The following PRSS12 variants were observed in gnomAD, a reference collection of about 807,000 sequenced individuals.
PRSS12 encodes serine protease 12, also known as neurotrypsin.
A neutral mutation model predicts 104.4 loss-of-function variants in PRSS12; 85 were observed. The ratio of observed to expected loss-of-function variants is 0.81; its 90% CI spans 0.68 to 0.98. PRSS12 has a LOEUF of 0.98. PRSS12 is among the 50% of genes least tolerant of loss of function. The pLI, the probability that PRSS12 is intolerant of heterozygous loss-of-function variation, is 0.00. For missense variants in PRSS12, 1,141 were observed against 1,139.2 expected (o/e 1.00, Z -0.02); for synonymous variants, 454 against 425.2 (o/e 1.07, Z -0.83).
rs80226512 is a variant in PRSS12 at position 118,311,785 on chromosome 4, G to A, written c.1489+1416C>T. 5.4e-3 allele frequency among the ~76,000 whole-genome samples: 815 copies of A among 152,244 alleles called. 7 individuals are homozygous for A. The highest frequency in any genetic ancestry group is 0.018 in the African/African-American group (754 of 41,546). On this transcript the variant is annotated intron_variant, in intron 7 of 12. Coordinates refer to ENST00000296498, the MANE Select transcript of PRSS12 (RefSeq NM_003619.4). ...AATTAAAAAGATTTTCAAGGGAACA[G>A]AAAAGATTAGTTATTCCAACCATAT...
chr4:118,305,765 T>C (rs1372258978), intron 8 of PRSS12, among the ~76,000 whole-genome samples: 6 of 152,180 alleles, frequency 3.9e-5, no homozygotes, highest in African/African-American at 1.4e-4. Context: ...TTATTCATCT[T>C]GCATGACAGG....
chr4:118,299,085 C>G (rs1204351242), intron 8 of PRSS12, 147 bp from the exon 9 acceptor site: 1 of 917,702 alleles, frequency 1.1e-6, no homozygotes, highest in Non-Finnish European at 1.7e-6. Flanking sequence ...TCATGACTGT[C>G]AAAAAAAATT....
chr4:118,316,825 G>GA (rs1553956358), intron 5 of PRSS12, among the ~76,000 whole-genome samples: 51 of 91,532 alleles, frequency 5.6e-4, no homozygotes, highest in South Asian at 5.0e-3. Context: ...CCGTCTCACG[G>GA]AAAAAAAAAA....
At position 118,352,798 on chromosome 4, in the gene PRSS12, G is replaced by A. The variant is rs1481677638; in HGVS notation, c.-78C>T. 4 of 1,572,982 alleles carry A rather than the reference G, an allele frequency of 2.5e-6. No homozygotes were observed. In the African/African-American group the frequency reaches 5.4e-5, roughly 21 times the overall value. On this transcript the variant is annotated 5_prime_UTR_variant, in exon 1 of 13. Coordinates refer to ENST00000296498, the MANE Select transcript of PRSS12 (RefSeq NM_003619.4). ...GCGGAGAAGAGGAGGGGGCGGGGGC[G>A]GGGCTGCCGCGTCCCTCGAATCCCC...
chr4:118,325,809 T>C (rs536947965), intron 4 of PRSS12, among the ~76,000 whole-genome samples: 94 of 151,606 alleles, frequency 6.2e-4, no homozygotes, highest in Admixed American at 1.8e-3. Flanking sequence ...TGTTGTCTAG[T>C]TTTTTACCCT....
chr4:118,352,542 G>A lies in PRSS12; in HGVS notation c.179C>T (p.Pro60Leu), dbSNP rs1398408462. ...GGGGCGCGGGAAGCGCGGGAGAGGCGGCGGCGGACGCGTCCTCGGGGGCCG... is the reference window on the plus strand; with the variant it reads ...GGGGCGCGGGAAGCGCGGGAGAGGCAGCGGCGGACGCGTCCTCGGGGGCCG... ...QQRPPRTRPPPPLPRFPRPPR... is the reference protein window; with the variant it reads ...QQRPPRTRPPLPLPRFPRPPR... Residue 60 changes from proline to leucine, a missense_variant, in exon 1 of 13, where the codon CCG (proline) becomes CTG (leucine). Coordinates refer to ENST00000296498, the MANE Select transcript of PRSS12 (RefSeq NM_003619.4). The A allele has an allele frequency of 6.6e-7, 1 of 1,507,870 alleles. No individual in the cohort carries two copies. Among genetic ancestry groups the A allele is most frequent in the African/African-American group, 1.4e-5 (1 of 69,836 alleles). 93.4% of individuals were successfully genotyped at this position (1,507,870 alleles called of 1,614,324 possible). A position where few individuals can be genotyped will look rare whatever the true frequency, so the allele number is the denominator to read the frequency against.
Position 118,352,748 on chromosome 4 carries a change from T to C in PRSS12, c.-28A>G, listed in dbSNP as rs760537025. On this transcript the variant is annotated 5_prime_UTR_variant, in exon 1 of 13. The change abolishes an upstream ATG in the 5' untranslated region. Coordinates refer to ENST00000296498, the MANE Select transcript of PRSS12 (RefSeq NM_003619.4). Reference sequence around the variant, plus strand: ...TGCCAGCGCTGCGGGGTCTGGTCCATGCTCCCCAGCTTCTCGGGCTTGGAG... The same window carrying C: ...TGCCAGCGCTGCGGGGTCTGGTCCACGCTCCCCAGCTTCTCGGGCTTGGAG... 24 of 1,602,042 alleles carry C rather than the reference T, an allele frequency of 1.5e-5. No individual in the cohort carries two copies. The highest frequency in any genetic ancestry group is 1.3e-4 in the Admixed American group (8 of 59,604).
At chr4:118,345,648 A>G (rs1724337127) in intron 1 of PRSS12, among the ~76,000 whole-genome samples, 1 of 152,222 alleles carries the variant, frequency 6.6e-6, no homozygotes, top group Admixed American at 6.5e-5. Flanking sequence ...TAAATGCGTC[A>G]TAATATTTGC....
At chr4:118,333,219 T>C (rs1177077090) in intron 3 of PRSS12, among the ~76,000 whole-genome samples, 1 of 152,176 alleles carries the variant, frequency 6.6e-6, no homozygotes, top group East Asian at 1.9e-4. Flanking sequence ...ATAAAGGACG[T>C]AATATGGTAA....
rs377444158 is a variant in PRSS12, at chr4:118,313,288, G to A, written c.1402C>T (p.Arg468Ter). The change falls in exon 7 of 13, where the codon CGA (arginine) becomes TGA (stop). Residue 468 changes from arginine to a stop codon, truncating the protein, a stop_gained. Transcript: ENST00000296498. LOFTEE classifies it high-confidence loss of function. ...KETRFLQCSRRQWGRHDCSHR... is the reference protein window; with the variant it reads ...KETRFLQCSR ...CTGCAGTCATGCCTTCCCCACTGTC[G>A]CCTGGAACACTGAAGAAATCTGGTT... is the stretch of plus-strand genomic sequence containing the variant. The A allele has an allele frequency of 7.4e-6, 12 of 1,613,894 alleles. No individual in the cohort carries two copies. The highest frequency in any genetic ancestry group is 1.1e-5 in the South Asian group (1 of 91,072).
intron 4 of PRSS12, among the ~76,000 whole-genome samples, chr4:118,329,487 AC>A (rs1723864048): frequency 6.6e-6 from 1 of 152,162 alleles, no homozygotes; most frequent in African/African-American, 2.4e-5. Flanking sequence ...TGAACACATA[AC>A]TGATAACCCA....
chr4:118,350,007 A>T (rs1322161129), intron 1 of PRSS12, among the ~76,000 whole-genome samples: 1 of 152,212 alleles, frequency 6.6e-6, no homozygotes, highest in Non-Finnish European at 1.5e-5. Flanking sequence ...TTGTCAAAAA[A>T]TAAATAAATA....
At chr4:118,347,055 C>T (rs551978812) in intron 1 of PRSS12, among the ~76,000 whole-genome samples, 7 of 151,060 alleles carry the variant, frequency 4.6e-5, no homozygotes, top group African/African-American at 1.7e-4. Flanking sequence ...GCAATAGTAA[C>T]GGGATATCTT....
chr4:118,299,727 A>AAAAT (rs1743346748), intron 8 of PRSS12, among the ~76,000 whole-genome samples: 2 of 81,796 alleles, frequency 2.4e-5, no homozygotes, highest in African/African-American at 7.5e-5. Context: ...AAAATAAAAT[A>AAAAT]AAATAAAATA....
At chr4:118,282,606 T>G (rs1742911517) in intron 12 of PRSS12, among the ~76,000 whole-genome samples, 2 of 152,218 alleles carry the variant, frequency 1.3e-5, no homozygotes, top group South Asian at 4.1e-4. Flanking sequence ...AATTCATATC[T>G]ACTTCACTGA....
At chr4:118,288,577 C>T (rs553715241) in intron 11 of PRSS12, among the ~76,000 whole-genome samples, 1 of 152,320 alleles carries the variant, frequency 6.6e-6, no homozygotes, top group South Asian at 2.1e-4. Flanking sequence ...AACAAGTCCA[C>T]TTTGGAGTAA....
chr4:118,299,392 T>A (rs1362643284), intron 8 of PRSS12, among the ~76,000 whole-genome samples: 2 of 152,082 alleles, frequency 1.3e-5, no homozygotes, highest in Non-Finnish European at 2.9e-5. Context: ...AATGTACAAT[T>A]TTTTTAGGCC....
chr4:118,283,352 G>A (rs943516646), intron 11 of PRSS12, among the ~76,000 whole-genome samples: 5 of 152,186 alleles, frequency 3.3e-5, no homozygotes, highest in Non-Finnish European at 5.9e-5. Context: ...TGTGGAGGAT[G>A]AGTGGAAAAT....
At chr4:118,318,649 A>G in intron 4 of PRSS12, 93 bp from the exon 5 acceptor site, 2 of 1,235,500 alleles carry the variant, frequency 1.6e-6, no homozygotes. Context: ...ATTATTATTA[A>G]TCCCCACTTA....
Sources: gnomAD v4.1 joint callset for allele counts (sites outside exome capture counted in the v4.1 genomes callset) on GRCh38, gnomAD v4.1.1 for gene constraint, MANE v1.5 for transcripts, NCBI Gene and HGNC (gene_info 2026-07-23, HGNC 2026-07-21) for gene names.